Variants in SOX6 observed in about 807,000 individuals in gnomAD.
The protein encoded by SOX6 is transcription factor SOX-6.
In SOX6, 11 loss-of-function variants were observed where a neutral mutation model predicts 97.8. The ratio of observed to expected loss-of-function variants is 0.11; its 90% CI spans 0.07 to 0.19. SOX6 has a LOEUF of 0.19. SOX6 is among the 10% of genes least tolerant of loss of function. SOX6 has a pLI of 1.00. For synonymous variants in SOX6, 360 were observed against 371.4 expected, an observed-to-expected ratio of 0.97 and a Z score of 0.35; for missense variants, 810 against 1,039.5, an observed-to-expected ratio of 0.78 and a Z score of 3.04.
chr11:16,683,472 C>T (rs1274628971), intron 3 of SOX6, among the ~76,000 whole-genome samples: 2 of 152,146 alleles, frequency 1.3e-5, no homozygotes, highest in Non-Finnish European at 2.9e-5. Flanking sequence ...CTGACAAAAA[C>T]AAGAAATGGG....
intron 6 of SOX6, among the ~76,000 whole-genome samples, chr11:16,121,090 G>A (rs1849479084): frequency 6.6e-6 from 1 of 151,990 alleles, no homozygotes; most frequent in Admixed American, 6.6e-5. Context: ...CATACTGTAT[G>A]TACTCACTTT....
intron 7 of SOX6, among the ~76,000 whole-genome samples, chr11:16,111,385 T>G (rs1441929581): frequency 6.6e-6 from 1 of 152,204 alleles, no homozygotes; most frequent in East Asian, 1.9e-4. Context: ...AGTCTAGTTT[T>G]AACTATCTTT....
At chr11:16,043,782 G>T (rs1855746817) in intron 12 of SOX6, among the ~76,000 whole-genome samples, 1 of 152,168 alleles carries the variant, frequency 6.6e-6, no homozygotes, top group Non-Finnish European at 1.5e-5. Flanking sequence ...TGCTGGAAAT[G>T]CTGTTGGTAG....
At chr11:16,038,524 T>C (rs1295985089) in intron 12 of SOX6, among the ~76,000 whole-genome samples, 1 of 151,990 alleles carries the variant, frequency 6.6e-6, no homozygotes, top group East Asian at 1.9e-4. Context: ...AAATGCCCAA[T>C]TTGTACAGAA....
At chr11:16,513,062 T>G (rs1590228742) in intron 4 of SOX6, among the ~76,000 whole-genome samples, 1 of 152,168 alleles carries the variant, frequency 6.6e-6, no homozygotes, top group Non-Finnish European at 1.5e-5. Context: ...CTCTACATAC[T>G]GAAAGAAAAA....
chr11:16,471,718 T>G (rs1860145708), intron 1 of SOX6, among the ~76,000 whole-genome samples: 1 of 152,186 alleles, frequency 6.6e-6, no homozygotes, highest in Non-Finnish European at 1.5e-5. Flanking sequence ...TTGGATGCCA[T>G]GTTAATTTCA....
chr11:16,068,815 T>C (rs1848153569), intron 9 of SOX6, among the ~76,000 whole-genome samples: 1 of 152,224 alleles, frequency 6.6e-6, no homozygotes, highest in Non-Finnish European at 1.5e-5. Flanking sequence ...GCTCCTATCA[T>C]AGCTCAACCT....
At chr11:16,146,706 A>G (rs1041218226) in intron 6 of SOX6, among the ~76,000 whole-genome samples, 9 of 152,218 alleles carry the variant, frequency 5.9e-5, no homozygotes, top group Non-Finnish European at 1.0e-4. Flanking sequence ...ATGAACAGAC[A>G]CTTCTCAAAA....
At chr11:16,111,693 A>G in intron 7 of SOX6, 110 bp downstream of exon 7, 1 of 1,387,046 alleles carries the variant, frequency 7.2e-7, no homozygotes, top group Non-Finnish European at 1.0e-6. Flanking sequence ...AGCTTTTATG[A>G]TATTTTTATT....
intron 5 of SOX6, 83 bp from the exon 6 acceptor site, chr11:16,184,037 A>G: frequency 8.5e-7 from 1 of 1,179,338 alleles, no homozygotes; most frequent in Non-Finnish European, 1.3e-6. Context: ...TGGTATTACA[A>G]CAATCTTTTA....
intron 3 of SOX6, among the ~76,000 whole-genome samples, chr11:16,245,092 G>A (rs576823184): frequency 6.6e-6 from 1 of 151,786 alleles, no homozygotes; most frequent in East Asian, 1.9e-4. Context: ...TTCCTTCTAA[G>A]TATTACTTTA....
chr11:16,285,526 C>A (rs1256078282), intron 3 of SOX6, among the ~76,000 whole-genome samples: 3 of 152,014 alleles, frequency 2.0e-5, no homozygotes, highest in Non-Finnish European at 4.4e-5. Flanking sequence ...AAGAGCGAAA[C>A]TCCATCCCAA....
chr11:16,299,543 C>CT (rs915640555), intron 3 of SOX6, among the ~76,000 whole-genome samples: 2 of 151,982 alleles, frequency 1.3e-5, no homozygotes, highest in African/African-American at 2.4e-5. Context: ...ATTTAACATT[C>CT]TTTTTTTTAA....
chr11:16,611,774 T>C (rs1480659731), intron 4 of SOX6, among the ~76,000 whole-genome samples: 1 of 152,192 alleles, frequency 6.6e-6, no homozygotes, highest in Non-Finnish European at 1.5e-5. Context: ...CCCTCGACTT[T>C]AAGTGGACAG....
intron 3 of SOX6, among the ~76,000 whole-genome samples, chr11:16,306,279 A>G (rs1037001872): frequency 2.0e-5 from 3 of 152,186 alleles, no homozygotes; most frequent in Admixed American, 6.5e-5. Flanking sequence ...ATGTAAATCT[A>G]CAATTGTCTC....
At chr11:16,680,356 C>G (rs951619238) in intron 3 of SOX6, among the ~76,000 whole-genome samples, 1 of 152,140 alleles carries the variant, frequency 6.6e-6, no homozygotes, top group Non-Finnish European at 1.5e-5. Context: ...TCCAGCCAAA[C>G]TAAGCTTTAT....
chr11:16,088,185 C>T (rs1377867324), intron 9 of SOX6, among the ~76,000 whole-genome samples: 2 of 152,054 alleles, frequency 1.3e-5, no homozygotes, highest in Non-Finnish European at 2.9e-5. Context: ...GAAAGTAAAG[C>T]GATTTCCCAT....
chr11:16,252,816 C>T (rs1196849655), intron 3 of SOX6, among the ~76,000 whole-genome samples: 2 of 152,092 alleles, frequency 1.3e-5, no homozygotes, highest in East Asian at 3.9e-4. Context: ...CTCCAGCCAT[C>T]CTCTCCCACC....
intron 6 of SOX6, among the ~76,000 whole-genome samples, chr11:16,143,916 C>G (rs1292984253): frequency 6.6e-6 from 1 of 152,124 alleles, no homozygotes; most frequent in Admixed American, 6.5e-5. Context: ...AACTTTAACA[C>G]CCCACTGTCA....
Sources: allele counts gnomAD v4.1 joint callset (sites outside exome capture counted in the v4.1 genomes callset), GRCh38; gene constraint gnomAD v4.1.1; transcripts MANE v1.5; gene names NCBI Gene and HGNC (gene_info 2026-07-23, HGNC 2026-07-21).